The following ZFHX3 variants were observed in gnomAD, a reference collection of about 807,000 sequenced individuals.
ZFHX3 encodes the protein zinc finger homeobox protein 3.
In ZFHX3, 42 loss-of-function variants were observed where a neutral mutation model predicts 279.1. The observed-to-expected ratio is 0.15, with a 90% confidence interval of 0.12 to 0.19. The LOEUF is 0.19. Ranked by LOEUF, ZFHX3 falls within the 10% of genes least tolerant of loss-of-function variation. ZFHX3 has a pLI of 1.00. For synonymous variants in ZFHX3, 2,293 were observed against 1,957.8 expected (o/e 1.17, Z -4.52); for missense variants, 4,981 against 4,754.0 (o/e 1.05, Z -1.40).
intron 2 of ZFHX3, among the ~76,000 whole-genome samples, chr16:73,562,848 T>A (rs1039587462): frequency 6.6e-6 from 1 of 152,144 alleles, no homozygotes; most frequent in African/African-American, 2.4e-5. Flanking sequence ...AACCATGCTA[T>A]CAAGAATCTT....
intron 3 of ZFHX3, among the ~76,000 whole-genome samples, chr16:73,373,958 CA>C (rs1776381753): frequency 6.6e-6 from 1 of 152,172 alleles, no homozygotes; most frequent in African/African-American, 2.4e-5. Flanking sequence ...ACAGGATCTG[CA>C]AAAATCAAAG....
At chr16:73,797,191 G>T (rs1225415022) in intron 1 of ZFHX3, among the ~76,000 whole-genome samples, 1 of 145,384 alleles carries the variant, frequency 6.9e-6, no homozygotes, top group Non-Finnish European at 1.5e-5. Context: ...TGACAAGAGT[G>T]AAACTCTATC....
chr16:72,967,269 A>C (rs1033216049), intron 1 of ZFHX3, among the ~76,000 whole-genome samples: 3 of 152,302 alleles, frequency 2.0e-5, no homozygotes, highest in Non-Finnish European at 4.4e-5. Context: ...GAGCAGGAAA[A>C]GTTCAAGATG....
intron 3 of ZFHX3, among the ~76,000 whole-genome samples, chr16:72,913,719 C>T (rs1221415089): frequency 1.3e-5 from 2 of 152,188 alleles, no homozygotes; most frequent in East Asian, 1.9e-4. Flanking sequence ...GGTTATTACG[C>T]TGTTAATAAA....
chr16:73,711,099 C>G (rs916535416), intron 1 of ZFHX3, among the ~76,000 whole-genome samples: 1 of 152,180 alleles, frequency 6.6e-6, no homozygotes, highest in African/African-American at 2.4e-5. Flanking sequence ...CGAAAGAACA[C>G]AGACCTTGTC....
intron 2 of ZFHX3, among the ~76,000 whole-genome samples, chr16:73,492,391 C>A (rs915912995): frequency 6.6e-6 from 1 of 152,162 alleles, no homozygotes; most frequent in South Asian, 2.1e-4. Context: ...CTGGAATCCA[C>A]GTAAAATAAT....
chr16:72,981,944 G>A (rs1286614317), intron 1 of ZFHX3, among the ~76,000 whole-genome samples: 8 of 144,684 alleles, frequency 5.5e-5, no homozygotes, highest in South Asian at 2.2e-4. Flanking sequence ...ATGCAGTGGC[G>A]CCATCTCGGC....
chr16:73,266,060 C>T (rs942675858), intron 4 of ZFHX3, among the ~76,000 whole-genome samples: 2 of 152,196 alleles, frequency 1.3e-5, no homozygotes, highest in African/African-American at 2.4e-5. Context: ...TTACTCTTTA[C>T]AGCAAAGGGA....
chr16:73,647,386 C>T (rs1424486002), intron 2 of ZFHX3, among the ~76,000 whole-genome samples: 1 of 152,102 alleles, frequency 6.6e-6, no homozygotes, highest in Non-Finnish European at 1.5e-5. Flanking sequence ...GGCTGGATCA[C>T]GGGGGCAGAT....
chr16:73,242,136 G>A (rs2013142621), intron 5 of ZFHX3, among the ~76,000 whole-genome samples: 1 of 152,158 alleles, frequency 6.6e-6, no homozygotes, highest in Admixed American at 6.5e-5. Context: ...ACGGAAGACT[G>A]GAGTTGAAGA....
At chr16:73,105,260 T>A (rs1351355214) in intron 7 of ZFHX3, among the ~76,000 whole-genome samples, 1 of 148,868 alleles carries the variant, frequency 6.7e-6, no homozygotes, top group Non-Finnish European at 1.5e-5. Context: ...TATATATATA[T>A]GCATATATAT....
chr16:73,791,872 G>C (rs1959834928), intron 1 of ZFHX3, among the ~76,000 whole-genome samples: 1 of 152,194 alleles, frequency 6.6e-6, no homozygotes, highest in Admixed American at 6.5e-5. Context: ...GTATTCTCAA[G>C]TATTGTCTTC....
chr16:73,654,771 AAAG>A (rs1265587994), intron 2 of ZFHX3, among the ~76,000 whole-genome samples: 2 of 152,074 alleles, frequency 1.3e-5, no homozygotes, highest in East Asian at 1.9e-4. Context: ...TTTACTAAAA[AAAG>A]AGATAGCTTA....
rs534274266 is a variant in ZFHX3, at chr16:73,235,521, TGAG to T, written c.-1104+21523_-1104+21525del. Among the ~76,000 whole-genome samples the T allele has an allele frequency of 2.4e-3, 372 of 152,208 alleles. 3 individuals carry two copies. Among genetic ancestry groups the T allele is most frequent in the African/African-American group, 8.4e-3 (350 of 41,526 alleles). On this transcript the variant is annotated intron_variant, in intron 5 of 17. Transcript: ENST00000641206. The stretch of plus-strand genomic sequence containing the variant: ...TGTGCACACCAGCCTGAAGAGATGA[TGAG>T]GAGGAGTGGGGCTTGGGATGAAATG...
chr16:72,833,352 TC>T (rs1228917560), intron 4 of ZFHX3, among the ~76,000 whole-genome samples: 1 of 152,058 alleles, frequency 6.6e-6, no homozygotes, highest in Non-Finnish European at 1.5e-5. Context: ...TGGATTGCAT[TC>T]CCCCCTCTTC....
chr16:73,399,839 T>G (rs2017211684), intron 3 of ZFHX3, among the ~76,000 whole-genome samples: 1 of 110,028 alleles, frequency 9.1e-6, no homozygotes, highest in African/African-American at 4.0e-5. Context: ...TGGTGTGTGG[T>G]GTGTGTGTGT....
intron 5 of ZFHX3, among the ~76,000 whole-genome samples, chr16:73,164,705 A>C (rs1401199819): frequency 6.6e-6 from 1 of 152,038 alleles, no homozygotes; most frequent in African/African-American, 2.4e-5. Context: ...GTTGAAAAAA[A>C]AAAAAAAAAA....
At chr16:73,327,396 C>G (rs1402999029) in intron 3 of ZFHX3, among the ~76,000 whole-genome samples, 1 of 152,144 alleles carries the variant, frequency 6.6e-6, no homozygotes, top group Non-Finnish European at 1.5e-5. Flanking sequence ...AGAGTCAGTC[C>G]TTAACCAAAC....
intron 4 of ZFHX3, among the ~76,000 whole-genome samples, chr16:73,268,320 C>A (rs1411547916): frequency 6.6e-6 from 1 of 152,144 alleles, no homozygotes; most frequent in African/African-American, 2.4e-5. Context: ...GTGCACTATT[C>A]CCCTCAAACT....
Sources: allele counts gnomAD v4.1 joint callset (sites outside exome capture counted in the v4.1 genomes callset), GRCh38; gene constraint gnomAD v4.1.1; transcripts MANE v1.5; gene names NCBI Gene and HGNC (gene_info 2026-07-23, HGNC 2026-07-21).